TLE6: variants seen among roughly 807,000 people sequenced by gnomAD.
TLE6 encodes the protein TLE family member 6, subcortical maternal complex member, also known as transducin-like enhancer protein 6.
In TLE6, 72 loss-of-function variants were observed where a neutral mutation model predicts 77.1. The observed-to-expected ratio is 0.93, with a 90% CI of 0.77 to 1.14. The LOEUF (loss-of-function observed/expected upper bound fraction) is 1.14, where lower values mean the gene tolerates loss of function less well. TLE6 is among the 50% of genes most tolerant of loss of function. The pLI is 0.00. For missense variants in TLE6, 843 were observed against 747.6 expected, an observed-to-expected ratio of 1.13 and a Z score of -1.49; for synonymous variants, 366 against 287.3, an observed-to-expected ratio of 1.27 and a Z score of -2.77.
At chr19:2,988,254 C>A in intron 11 of TLE6, 126 bp downstream of exon 11, 1 of 1,056,510 alleles carries the variant, frequency 9.5e-7, no homozygotes, top group Non-Finnish European at 1.4e-6. Flanking sequence ...CTTTTCCCAT[C>A]ACTACTCTGC....
Position 2,989,285 on chromosome 19 carries a change from GGTTCCCTGAGAGCCA to G in TLE6, c.966_980del (p.Arg322_His327delinsSer). 2 of 1,613,294 alleles carry G rather than the reference GGTTCCCTGAGAGCCA, an allele frequency of 1.2e-6. No individual in the cohort carries two copies. Among genetic ancestry groups the G allele is most frequent in the Non-Finnish European group, 1.7e-6 (2 of 1,180,024 alleles). On this transcript the variant is annotated inframe_deletion, in exon 12 of 17. Coordinates refer to ENST00000246112, the MANE Select transcript of TLE6 (RefSeq NM_001143986.2). ...CTGACTGGACAGGTGGCTGAGGACA[GGTTCCCTGAGAGCCA>G]CCTGCCTATACAGGTGAGGACGGCC...
Position 2,987,893 on chromosome 19 carries a change from A to G in TLE6, c.626-5A>G, listed in dbSNP as rs1050855595. The G allele has an allele frequency of 1.4e-5, 23 of 1,610,130 alleles. No individual in the cohort carries two copies. The highest frequency in any genetic ancestry group is 3.3e-5 in the South Asian group (3 of 90,774). On this transcript the variant is annotated splice_region_variant and splice_polypyrimidine_tract_variant and intron_variant, in intron 9 of 16. Transcript: ENST00000246112. ...GCCGCTTAGCCCCTCTTGTCTCCCC[A>G]CTAGCCCCCAGGCCACCTGAGGCCT...
At chr19:2,983,800 T>A (rs2088848724) in intron 5 of TLE6, 1 of 152,808 alleles carries the variant, frequency 6.5e-6, no homozygotes, top group Non-Finnish European at 1.5e-5. Flanking sequence ...CGGGAACCAG[T>A]TAGGACAGTC....
At chr19:2,990,484 G>A (rs2089020346) in intron 13 of TLE6, among the ~76,000 whole-genome samples, 1 of 150,488 alleles carries the variant, frequency 6.6e-6, no homozygotes, top group Non-Finnish European at 1.5e-5. Context: ...GGTACCTGTA[G>A]TCCCAGCTAC....
chr19:2,980,002 G>T, intron 2 of TLE6, 98 bp from the exon 3 acceptor site: 17 of 756,564 alleles, frequency 2.2e-5, no homozygotes, highest in South Asian at 3.4e-5. Context: ...AATTACTTTT[G>T]CACCAACCTA....
intron 5 of TLE6, chr19:2,983,756 C>G (rs2088847710): frequency 6.5e-6 from 1 of 152,756 alleles, no homozygotes; most frequent in African/African-American, 2.4e-5. Flanking sequence ...GCGGAGAGGA[C>G]AGAGAAGAAG....
chr19:2,989,124 A>G lies in TLE6; in HGVS notation c.804A>G (p.Ser268=). The change falls in exon 12 of 17, where the codon TCA becomes TCG. Residue 268 remains serine, a synonymous_variant. Transcript: ENST00000246112. Reference sequence around the variant, plus strand: ...GGCCAGATGCCTTGCCCGGGCAGTCAAAGAGACTCGCCGTCCCGTGCAAAC... The same window carrying G: ...GGCCAGATGCCTTGCCCGGGCAGTCGAAGAGACTCGCCGTCCCGTGCAAAC... The part of the protein sequence containing the change: ...WKRPDALPGQ[S]KRLAVPCKLE... The G allele has an allele frequency of 6.2e-7, 1 of 1,614,094 alleles. No individual in the cohort carries two copies. The highest frequency in any genetic ancestry group is 1.1e-5 in the South Asian group (1 of 91,046).
rs370296654 is a variant in TLE6 at position 2,995,094 on chromosome 19, G to A, written c.*90G>A. The A allele has an allele frequency of 1.9e-3, 1,586 of 845,586 alleles. 3 individuals are homozygous for A. The highest frequency in any genetic ancestry group is 4.2e-3 in the Middle Eastern group (12 of 2,826). The allele number at this position is 845,586 out of a possible 1,614,324, so 52.4% of individuals were successfully genotyped here. On this transcript the variant is annotated 3_prime_UTR_variant, in exon 17 of 17. Coordinates refer to ENST00000246112, the MANE Select transcript of TLE6 (RefSeq NM_001143986.2). The stretch of plus-strand genomic sequence containing the variant: ...CAAGGGGGACATGGTGGAGGGAAGC[G>A]GGAAGGCTCTTCTGTGGCATCGCAC...
rs781144250 is a variant in TLE6 at position 2,987,128 on chromosome 19, C to T, written c.431C>T (p.Thr144Ile). The stretch of plus-strand genomic sequence containing the variant: ...TTGGGGGAGGACAATCAGCCGGAGA[C>T]CCAGCTGTTCTGGGACAAGGAGCCT... ...RPLGEDNQPE[T>I]QLFWDKEPWF... The change falls in exon 7 of 17, where the codon ACC becomes ATC. Residue 144 changes from threonine to isoleucine, a missense_variant. Coordinates refer to ENST00000246112, the MANE Select transcript of TLE6 (RefSeq NM_001143986.2). 2.0e-5 allele frequency: 32 copies of T among 1,614,006 alleles called. No homozygotes were observed. Among genetic ancestry groups the T allele is most frequent in the Admixed American group, 3.3e-5 (2 of 59,990 alleles).
chr19:2,988,063 G>A (rs1435476865), intron 10 of TLE6, 28 bp from the exon 11 acceptor site: 2 of 1,554,666 alleles, frequency 1.3e-6, no homozygotes, highest in Non-Finnish European at 1.7e-6. Flanking sequence ...GGGAGGCTGG[G>A]GGCAGCTGTG....
intron 14 of TLE6, 118 bp from the exon 15 acceptor site, chr19:2,993,314 C>T: frequency 1.8e-6 from 2 of 1,088,160 alleles, no homozygotes; most frequent in South Asian, 3.5e-5. Context: ...CCCAGGGCTG[C>T]ACAGCTAGGA....
intron 15 of TLE6, 82 bp downstream of exon 15, chr19:2,993,664 C>T: frequency 1.4e-6 from 2 of 1,480,074 alleles, no homozygotes; most frequent in Non-Finnish European, 1.8e-6. Context: ...AGCTCCCCAC[C>T]CAACCCTCTA....
intron 5 of TLE6, among the ~76,000 whole-genome samples, chr19:2,982,905 G>C (rs1405998170): frequency 6.6e-6 from 1 of 152,134 alleles, no homozygotes; most frequent in East Asian, 1.9e-4. Context: ...CTGCGTGTCT[G>C]AGTGTTCAAT....
intron 5 of TLE6, among the ~76,000 whole-genome samples, chr19:2,986,412 T>C (rs529716082): frequency 6.7e-6 from 1 of 150,322 alleles, no homozygotes; most frequent in African/African-American, 2.5e-5. Flanking sequence ...TGAGATCTTA[T>C]CTGCAAAAAA....
At position 2,987,062 on chromosome 19, in the gene TLE6, A is replaced by T. The variant is rs764188950; in HGVS notation, c.365A>T (p.Asp122Val). 1 of 1,614,028 alleles carries T rather than the reference A, an allele frequency of 6.2e-7. No individual in the cohort carries two copies. Among genetic ancestry groups the T allele is most frequent in the Non-Finnish European group, 8.5e-7 (1 of 1,180,022 alleles). Reference sequence around the variant, plus strand: ...ACCCTGCAGGAGTCGAGCTTTGAGGACATCATGGCCACCAGGTCCTCCGAC... The same window carrying T: ...ACCCTGCAGGAGTCGAGCTTTGAGGTCATCATGGCCACCAGGTCCTCCGAC... ...DKTLQESSFE[D>V]IMATRSSDWL... is the part of the protein sequence containing the mutation. The change falls in exon 7 of 17, where the codon GAC (aspartate) becomes GTC (valine). Residue 122 changes from aspartate to valine, a missense_variant. By Grantham distance (152) the Asp-to-Val change is radical (BLOSUM62 -3). Transcript: ENST00000246112.
chr19:2,982,892 C>T (rs535818701), intron 5 of TLE6, among the ~76,000 whole-genome samples: 21 of 152,236 alleles, frequency 1.4e-4, no homozygotes, highest in Admixed American at 1.2e-3. Flanking sequence ...CGGCTGTGTT[C>T]CCCTGCGTGT....
In TLE6 at chr19:2,987,669, C is replaced by T. The variant is rs771719436; in HGVS notation, c.559-55C>T. The stretch of plus-strand genomic sequence containing the variant: ...TGCAAGCTGCCCAGGAATCCGAGGT[C>T]TTCTGGTCCTAACAGGCAGGTCAGC... On this transcript the variant is annotated intron_variant, in intron 8 of 16. Transcript: ENST00000246112. 2.3e-5 allele frequency: 37 copies of T among 1,599,922 alleles called. No homozygotes were observed. The African/African-American group carries it at 4.8e-4, about 21-fold the overall frequency.
chr19:2,989,687 C>T lies in TLE6; in HGVS notation c.1146C>T (p.Cys382=). ...AGTTGCCCTGTGCAGGTCTCAACTGCCAGGCCCTGGATGCCAACCTGGATG... is the reference window on the plus strand; with the variant it reads ...AGTTGCCCTGTGCAGGTCTCAACTGTCAGGCCCTGGATGCCAACCTGGATG... The part of the protein sequence containing the change: ...KEQLPCAGLN[C]QALDANLDAN... The change falls in exon 13 of 17, where the codon TGC becomes TGT. Residue 382 remains cysteine, a synonymous_variant. Transcript: ENST00000246112. 4 of 1,614,220 alleles carry T rather than the reference C, an allele frequency of 2.5e-6. No homozygotes were observed. The highest frequency in any genetic ancestry group is 3.4e-6 in the Non-Finnish European group (4 of 1,180,038).
At chr19:2,993,198 G>A (rs974465767) in intron 14 of TLE6, among the ~76,000 whole-genome samples, 14 of 152,200 alleles carry the variant, frequency 9.2e-5, no homozygotes, top group African/African-American at 2.4e-4. Context: ...GCAACAGAGC[G>A]AGACTCCGTC....
Sources: gnomAD v4.1 joint callset for allele counts (sites outside exome capture counted in the v4.1 genomes callset) on GRCh38, gnomAD v4.1.1 for gene constraint, MANE v1.5 for transcripts, NCBI Gene and HGNC (gene_info 2026-07-23, HGNC 2026-07-21) for gene names.